The following HPSE2 variants were observed in gnomAD, a reference collection of about 807,000 sequenced individuals.
HPSE2 encodes heparanase 2 (inactive), also known as inactive heparanase-2.
HPSE2 carries 38 observed loss-of-function variants against 60.5 expected under a neutral mutation model. The observed-to-expected ratio is 0.63, with a 90% CI of 0.48 to 0.82. HPSE2 has a LOEUF of 0.82. HPSE2 is among the 40% of genes least tolerant of loss of function. The pLI is 0.00. For synonymous variants in HPSE2, 295 were observed against 293.2 expected (o/e 1.01, Z -0.06); for missense variants, 713 against 740.4 (o/e 0.96, Z 0.43).
intron 3 of HPSE2, among the ~76,000 whole-genome samples, chr10:98,873,117 C>T (rs369076173): frequency 1.8e-4 from 27 of 151,952 alleles, no homozygotes; most frequent in African/African-American, 5.5e-4. Flanking sequence ...AAGCATAGGA[C>T]GTATAATTTT....
chr10:98,694,070 C>A (rs1948148958), intron 5 of HPSE2, 123 bp from the exon 6 acceptor site: 5 of 778,826 alleles, frequency 6.4e-6, no homozygotes, highest in Non-Finnish European at 1.1e-5. Flanking sequence ...CTGAGAGGAT[C>A]CTCCATAGCC....
intron 3 of HPSE2, among the ~76,000 whole-genome samples, chr10:98,750,615 G>T (rs1322515793): frequency 5.9e-5 from 9 of 152,134 alleles, no homozygotes; most frequent in Non-Finnish European, 1.3e-4. Context: ...TAAAGGTTGA[G>T]CCAGTAAGAT....
At position 98,535,128 on chromosome 10, in the gene HPSE2, G is replaced by T. The variant is rs575510703; in HGVS notation, c.1321-44932C>A. Reference sequence around the variant, plus strand: ...GTCTTTGAAACCTGCTTTCCTATCCGTGAATGTCCGTCTTCTCAAAGCAGA... The same window carrying T: ...GTCTTTGAAACCTGCTTTCCTATCCTTGAATGTCCGTCTTCTCAAAGCAGA... On this transcript the variant is annotated intron_variant, in intron 9 of 11. Coordinates refer to ENST00000370552, the MANE Select transcript of HPSE2 (RefSeq NM_021828.5). Among the ~76,000 whole-genome samples, 5 of 152,202 alleles carry T rather than the reference G, an allele frequency of 3.3e-5. No individual in the cohort carries two copies. In the South Asian group the frequency reaches 8.3e-4, roughly 25 times the overall value.
intron 11 of HPSE2, 125 bp from the exon 12 acceptor site, chr10:98,459,864 G>A (rs1318864372): frequency 1.1e-6 from 1 of 919,944 alleles, no homozygotes; most frequent in Non-Finnish European, 1.7e-6. Flanking sequence ...TATTGTTACT[G>A]GCTATGCCCT....
In HPSE2 at chr10:99,045,569, A is replaced by G. The variant is rs573743445; in HGVS notation, c.610+98669T>C. 2.0e-4 allele frequency among the ~76,000 whole-genome samples: 30 copies of G among 152,248 alleles called. 1 individual carries two copies. The South Asian group carries it at 3.5e-3, about 18-fold the overall frequency. On this transcript the variant is annotated intron_variant, in intron 3 of 11. Coordinates refer to ENST00000370552, the MANE Select transcript of HPSE2 (RefSeq NM_021828.5). ...CAAGAATTCATTCTCCAAAAAAATA[A>G]ACAAGATTAACATATGGCTAGCTAG...
intron 6 of HPSE2, among the ~76,000 whole-genome samples, chr10:98,665,033 C>A (rs1947326617): frequency 6.6e-6 from 1 of 152,176 alleles, no homozygotes; most frequent in South Asian, 2.1e-4. Flanking sequence ...AAGTTGAAAC[C>A]CAATCCAAGG....
chr10:99,265,053 C>T, the HPSE2 span, among the ~76,000 whole-genome samples: 6 of 152,190 alleles, frequency 3.9e-5, no homozygotes, highest in African/African-American at 1.4e-4. Context: ...TGCACATATA[C>T]ATCCAAATGG....
intron 9 of HPSE2, among the ~76,000 whole-genome samples, chr10:98,557,070 G>A (rs1002001607): frequency 7.2e-5 from 11 of 151,892 alleles, no homozygotes; most frequent in South Asian, 2.1e-4. Context: ...AAAATTAGCC[G>A]GGCATGGTGG....
chr10:99,290,037 G>T, the HPSE2 span, among the ~76,000 whole-genome samples: 1 of 151,864 alleles, frequency 6.6e-6, no homozygotes, highest in Non-Finnish European at 1.5e-5. Flanking sequence ...GCAGGGGTTG[G>T]GCCAAGAACA....
intron 5 of HPSE2, among the ~76,000 whole-genome samples, chr10:98,704,482 G>A (rs1948494527): frequency 1.3e-5 from 2 of 151,764 alleles, no homozygotes; most frequent in South Asian, 4.1e-4. Flanking sequence ...AAGGAAGCTA[G>A]AGGCATCATG....
intron 3 of HPSE2, among the ~76,000 whole-genome samples, chr10:98,839,653 A>G (rs887554022): frequency 2.0e-5 from 3 of 152,196 alleles, no homozygotes; most frequent in African/African-American, 7.2e-5. Context: ...TAGGTGTTCA[A>G]ATGATTATAA....
At chr10:98,648,635 G>A (rs945475987) in intron 6 of HPSE2, among the ~76,000 whole-genome samples, 3 of 151,958 alleles carry the variant, frequency 2.0e-5, no homozygotes, top group Admixed American at 6.6e-5. Flanking sequence ...AAAAAAATTA[G>A]CTGGGTGTAG....
At chr10:99,085,632 TA>T (rs371113979) in intron 3 of HPSE2, among the ~76,000 whole-genome samples, 1,716 of 152,174 alleles carry the variant, frequency 0.011, 35 homozygotes, top group African/African-American at 0.039. Flanking sequence ...GAGAGAAGGT[TA>T]AAAAAATAAA....
rs112534829 is a variant in HPSE2 at position 98,490,214 on chromosome 10, G to A, written c.1321-18C>T. On this transcript the variant is annotated intron_variant, in intron 9 of 11. Transcript: ENST00000370552. The stretch of plus-strand genomic sequence containing the variant: ...CAGTAGTCCTGAGGAGAATAGAGAG[G>A]GAGAGGGTCAGCGAGAGAACACATG... The A allele has an allele frequency of 1.1e-3, 1,831 of 1,613,556 alleles. 3 individuals carry two copies. Among genetic ancestry groups the A allele is most frequent in the Non-Finnish European group, 1.5e-3 (1,733 of 1,179,816 alleles).
At chr10:98,890,721 T>C (rs564463063) in intron 3 of HPSE2, among the ~76,000 whole-genome samples, 1 of 152,290 alleles carries the variant, frequency 6.6e-6, no homozygotes, top group South Asian at 2.1e-4. Flanking sequence ...TTAACTCCCT[T>C]GGGGTTGTAA....
chr10:98,732,915 A>G (rs967340891), intron 4 of HPSE2, among the ~76,000 whole-genome samples: 6 of 152,222 alleles, frequency 3.9e-5, no homozygotes, highest in African/African-American at 1.4e-4. Flanking sequence ...AACTCTTACA[A>G]TTCAATAATA....
At chr10:98,965,839 G>A (rs988319824) in intron 3 of HPSE2, among the ~76,000 whole-genome samples, 1 of 151,930 alleles carries the variant, frequency 6.6e-6, no homozygotes, top group African/African-American at 2.4e-5. Context: ...AATCTGCATG[G>A]CTCCTCTTTG....
chr10:98,737,972 C>G (rs1949401138), intron 4 of HPSE2, among the ~76,000 whole-genome samples: 1 of 152,160 alleles, frequency 6.6e-6, no homozygotes. Flanking sequence ...GTAGAAAAAA[C>G]TACTTTAAAT....
chr10:98,578,195 A>C (rs1470905778), intron 9 of HPSE2, among the ~76,000 whole-genome samples: 1 of 152,014 alleles, frequency 6.6e-6, no homozygotes, highest in African/African-American at 2.4e-5. Flanking sequence ...CCTCCTAAGA[A>C]TTTTTTTCAC....
Sources: gnomAD v4.1 joint callset for allele counts (sites outside exome capture counted in the v4.1 genomes callset) on GRCh38, gnomAD v4.1.1 for gene constraint, MANE v1.5 for transcripts, NCBI Gene and HGNC (gene_info 2026-07-23, HGNC 2026-07-21) for gene names.